The following CSMD1 variants were observed in gnomAD, a reference collection of about 807,000 sequenced individuals.
CSMD1 encodes CUB and Sushi multiple domains 1.
CSMD1 carries 213 observed loss-of-function variants against 417.5 expected under a neutral mutation model. The ratio of observed to expected loss-of-function variants is 0.51; its 90% CI spans 0.46 to 0.57. The LOEUF (loss-of-function observed/expected upper bound fraction) is 0.57. CSMD1 is among the 20% of genes least tolerant of loss of function. CSMD1 has a pLI of 0.00. For missense variants in CSMD1, 6,923 were observed against 4,529.7 expected (o/e 1.53, Z -15.17); for synonymous variants, 2,862 against 1,736.8 (o/e 1.65, Z -16.11).
rs191799159 is a variant in CSMD1, at chr8:3,489,897, G to A, written c.1448+3726C>T. 6.5e-4 allele frequency among the ~76,000 whole-genome samples: 99 copies of A among 152,250 alleles called. 1 individual carries two copies. Among genetic ancestry groups the A allele is most frequent in the African/African-American group, 2.1e-3 (88 of 41,530 alleles). On this transcript the variant is annotated intron_variant, in intron 11 of 69. Coordinates refer to ENST00000635120, the MANE Select transcript of CSMD1 (RefSeq NM_033225.6). ...AGTGAATGCCAGTCTGCCATGAAGA[G>A]GTTTTAAACTGCTGCTTTATGTAAA...
At chr8:3,885,888 T>C (rs1806530625) in intron 5 of CSMD1, among the ~76,000 whole-genome samples, 1 of 152,152 alleles carries the variant, frequency 6.6e-6, no homozygotes, top group African/African-American at 2.4e-5. Context: ...TTTTTCTAAA[T>C]AGGAGTAAAG....
chr8:3,592,770 G>T (rs1387388143), intron 8 of CSMD1, among the ~76,000 whole-genome samples: 1 of 152,078 alleles, frequency 6.6e-6, no homozygotes, highest in East Asian at 1.9e-4. Flanking sequence ...GAGGACTTTT[G>T]TCCTAGCACA....
intron 3 of CSMD1, among the ~76,000 whole-genome samples, chr8:4,387,222 A>G (rs1187802651): frequency 6.6e-6 from 1 of 152,166 alleles, no homozygotes; most frequent in Non-Finnish European, 1.5e-5. Context: ...TGTCTAAACA[A>G]ATGTAAATAT....
chr8:4,649,487 G>A (rs545552426), intron 1 of CSMD1, among the ~76,000 whole-genome samples: 1 of 152,260 alleles, frequency 6.6e-6, no homozygotes, highest in South Asian at 2.1e-4. Context: ...AAAGAAATGA[G>A]GGGTATAAAC....
At chr8:3,707,727 C>G (rs1033872442) in intron 7 of CSMD1, among the ~76,000 whole-genome samples, 2 of 152,184 alleles carry the variant, frequency 1.3e-5, no homozygotes, top group African/African-American at 2.4e-5. Flanking sequence ...AGGCTGTTGG[C>G]TTTCAGCTAA....
intron 5 of CSMD1, among the ~76,000 whole-genome samples, chr8:3,902,448 A>G (rs1807819320): frequency 6.6e-6 from 1 of 151,252 alleles, no homozygotes; most frequent in Non-Finnish European, 1.5e-5. Flanking sequence ...ATTTCATGAA[A>G]GACATTTTTT....
chr8:3,906,772 A>T (rs1425016188), intron 5 of CSMD1, among the ~76,000 whole-genome samples: 1 of 152,206 alleles, frequency 6.6e-6, no homozygotes, highest in Non-Finnish European at 1.5e-5. Flanking sequence ...AGGAAAAATG[A>T]CTTTTATATT....
At chr8:2,964,557 T>A (rs59964110) in intron 59 of CSMD1, among the ~76,000 whole-genome samples, 35,200 of 151,622 alleles carry the variant, frequency 0.23, 4,737 homozygotes, top group African/African-American at 0.37. Context: ...ACAAACACAA[T>A]GGGTACTAGA....
intron 2 of CSMD1, among the ~76,000 whole-genome samples, chr8:4,493,153 A>T (rs1041499584): frequency 1.1e-4 from 16 of 152,120 alleles, no homozygotes. Context: ...ATTTTTTTTT[A>T]AAGGCAGCAA....
intron 5 of CSMD1, among the ~76,000 whole-genome samples, chr8:3,795,406 GAT>G (rs1800019573): frequency 2.9e-5 from 1 of 34,714 alleles, no homozygotes; most frequent in African/African-American, 1.0e-4. Context: ...ATCTATCATA[GAT>G]ATAGATATAT....
chr8:3,996,885 G>A (rs778065658), intron 5 of CSMD1, among the ~76,000 whole-genome samples: 12 of 152,258 alleles, frequency 7.9e-5, no homozygotes, highest in East Asian at 3.9e-4. Context: ...TCCAATAATC[G>A]GTTTAAAACA....
intron 2 of CSMD1, among the ~76,000 whole-genome samples, chr8:4,629,029 T>C (rs1377643193): frequency 6.6e-6 from 1 of 152,174 alleles, no homozygotes; most frequent in Non-Finnish European, 1.5e-5. Context: ...ATTTGTATTG[T>C]AGAGCTAATA....
chr8:3,530,088 T>A (rs1797915547), intron 10 of CSMD1, among the ~76,000 whole-genome samples: 1 of 152,192 alleles, frequency 6.6e-6, no homozygotes, highest in Non-Finnish European at 1.5e-5. Context: ...TCCATGACAC[T>A]AAAGGTTTCA....
chr8:4,047,352 G>C (rs7004524), intron 3 of CSMD1, among the ~76,000 whole-genome samples: 2 of 152,120 alleles, frequency 1.3e-5, no homozygotes, highest in Admixed American at 1.3e-4. Flanking sequence ...AAGCCCTTGG[G>C]AACGGTCCTG....
intron 1 of CSMD1, among the ~76,000 whole-genome samples, chr8:4,710,620 T>G (rs1362091903): frequency 6.6e-6 from 1 of 151,090 alleles, no homozygotes; most frequent in Non-Finnish European, 1.5e-5. Flanking sequence ...CTCAGATGGG[T>G]GGATCACAAG....
At chr8:3,996,098 G>C (rs1265264602) in intron 5 of CSMD1, among the ~76,000 whole-genome samples, 14 of 152,160 alleles carry the variant, frequency 9.2e-5, no homozygotes, top group Admixed American at 7.9e-4. Context: ...CTCATGATCT[G>C]TATTTTCTGA....
chr8:3,570,624 C>T (rs759837796), intron 10 of CSMD1, among the ~76,000 whole-genome samples: 5 of 152,140 alleles, frequency 3.3e-5, no homozygotes, highest in Non-Finnish European at 5.9e-5. Context: ...CTGAATACAA[C>T]CTGGAAGCTC....
At chr8:4,486,717 C>A (rs2130177317) in intron 2 of CSMD1, among the ~76,000 whole-genome samples, 1 of 151,004 alleles carries the variant, frequency 6.6e-6, no homozygotes, top group East Asian at 1.9e-4. Flanking sequence ...GAAAAATGTA[C>A]AAAGAGGGTT....
At chr8:4,536,370 T>G (rs997572513) in intron 2 of CSMD1, among the ~76,000 whole-genome samples, 1 of 152,192 alleles carries the variant, frequency 6.6e-6, no homozygotes, top group African/African-American at 2.4e-5. Context: ...TTGTATTTTT[T>G]AAATTTATCC....
Sources: gnomAD v4.1 joint callset for allele counts (sites outside exome capture counted in the v4.1 genomes callset) on GRCh38, gnomAD v4.1.1 for gene constraint, MANE v1.5 for transcripts, NCBI Gene and HGNC (gene_info 2026-07-23, HGNC 2026-07-21) for gene names.